Variants in SLC12A7 observed in about 807,000 individuals in gnomAD.
SLC12A7 encodes K-Cl cotransporter 4.
Under a neutral mutation model 120.6 loss-of-function variants are expected in SLC12A7, and 100 were observed. The ratio of observed to expected loss-of-function variants is 0.83; its 90% CI spans 0.71 to 0.98. The LOEUF is 0.98. SLC12A7 is among the 50% of genes least tolerant of loss of function. The pLI is 0.00. For missense variants in SLC12A7, 1,373 were observed against 1,548.1 expected (o/e 0.89, Z 1.90); for synonymous variants, 760 against 678.0 (o/e 1.12, Z -1.88).
intron 23 of SLC12A7, 99 bp downstream of exon 23, chr5:1,053,250 G>T: frequency 7.0e-7 from 1 of 1,426,322 alleles, no homozygotes. Flanking sequence ...GGAGAGGCGG[G>T]AAGCCAGCCT....
At position 1,085,241 on chromosome 5, in the gene SLC12A7, G is replaced by T. The variant is rs377464520; in HGVS notation, c.908C>A (p.Pro303Gln). 2 of 1,611,858 alleles carry T rather than the reference G, an allele frequency of 1.2e-6. No individual in the cohort carries two copies. The highest frequency in any genetic ancestry group is 1.7e-6 in the Non-Finnish European group (2 of 1,179,440). Reference protein sequence around the residue: ...AGVIKSAFDPPDIPVCLLGNR... With the variant: ...AGVIKSAFDPQDIPVCLLGNR... ...AGGCCCCGAGACTCACGGGATGTCCGGGGGGTCGAAGGCAGACTTGATGAC... is the reference window on the plus strand; with the variant it reads ...AGGCCCCGAGACTCACGGGATGTCCTGGGGGTCGAAGGCAGACTTGATGAC... The change falls in exon 7 of 24, where the codon CCG becomes CAG. Residue 303 changes from proline (P) to glutamine (Q), a missense_variant. Physicochemically the swap from Pro to Gln is moderately conservative, Grantham distance 76. Coordinates refer to ENST00000264930, the MANE Select transcript of SLC12A7 (RefSeq NM_006598.3).
At chr5:1,094,275 C>A in intron 1 of SLC12A7, 27 bp from the exon 2 acceptor site, 2 of 1,558,332 alleles carry the variant, frequency 1.3e-6, no homozygotes, top group African/African-American at 1.3e-5. Context: ...AATTCAGAGT[C>A]AGCTTAGAAG....
chr5:1,054,050 G>A (rs539959621), intron 22 of SLC12A7, among the ~76,000 whole-genome samples: 29 of 152,366 alleles, frequency 1.9e-4, no homozygotes, highest in African/African-American at 5.8e-4. Context: ...CTGTGCAGCC[G>A]TTGCTGCTGA....
the SLC12A7 span, among the ~76,000 whole-genome samples, chr5:1,145,340 G>T: frequency 6.6e-6 from 1 of 152,264 alleles, no homozygotes; most frequent in African/African-American, 2.4e-5. The surrounding 1 kb of genome is among the most constrained non-coding windows in gnomAD (Gnocchi z 4.4). Flanking sequence ...CAGCTGCTGG[G>T]GTGGTCACCC....
the SLC12A7 span, among the ~76,000 whole-genome samples, chr5:1,124,489 T>G: frequency 6.6e-6 from 1 of 152,018 alleles, no homozygotes; most frequent in Non-Finnish European, 1.5e-5. Flanking sequence ...GAAGGCAAAA[T>G]CAAGACATTT....
chr5:1,079,444 G>A lies in SLC12A7; in HGVS notation c.1350C>T (p.Ser450=), dbSNP rs1328647483. Residue 450 remains serine, a synonymous_variant, in exon 10 of 24, where the codon TCC becomes TCT. Transcript: ENST00000264930. ...RSGDLKDAQK[S]IPTGTILAIV... ...TGGCCAGGATGGTCCCCGTGGGGAT[G>A]GACTTCTGTGCATCCTTGAGGTCCC... 6.2e-7 allele frequency: 1 copy of A among 1,612,696 alleles called. No homozygotes were observed.
chr5:1,102,632 C>T (rs551242926), intron 1 of SLC12A7, among the ~76,000 whole-genome samples: 3 of 152,316 alleles, frequency 2.0e-5, no homozygotes, highest in Non-Finnish European at 4.4e-5. Flanking sequence ...CGGGTGGCAC[C>T]GGACCTGTGC....
At chr5:1,084,728 G>A (rs1347040264) in intron 7 of SLC12A7, among the ~76,000 whole-genome samples, 2 of 152,174 alleles carry the variant, frequency 1.3e-5, no homozygotes, top group African/African-American at 4.8e-5. Flanking sequence ...CAAAACCGCG[G>A]GAGCCTCAAG....
chr5:1,095,170 C>CA (rs1480108550), intron 1 of SLC12A7, among the ~76,000 whole-genome samples: 1 of 151,776 alleles, frequency 6.6e-6, no homozygotes, highest in African/African-American at 2.4e-5. Context: ...GAGGACACGG[C>CA]AGGGAACCTA....
chr5:1,082,038 CGTCTCGGGTTCTGGAAAGCCT>C (rs1561072214), intron 8 of SLC12A7, among the ~76,000 whole-genome samples: 1 of 148,286 alleles, frequency 6.7e-6, no homozygotes, highest in Non-Finnish European at 1.5e-5. Context: ...CCAGGCTTCC[CGTCTCGGGTTCTGGAAAGCCT>C]GGGCTTCCCA....
chr5:1,108,578 T>A (rs1487743486), intron 1 of SLC12A7, among the ~76,000 whole-genome samples: 1 of 150,656 alleles, frequency 6.6e-6, no homozygotes, highest in Non-Finnish European at 1.5e-5. Context: ...CAACGAGAGC[T>A]CTCTGTCCCT....
the SLC12A7 span, among the ~76,000 whole-genome samples, chr5:1,153,374 A>C: frequency 6.6e-6 from 1 of 152,252 alleles, no homozygotes; most frequent in African/African-American, 2.4e-5. Context: ...AAACATTCAC[A>C]GCCTGAAGCA....
At position 1,054,508 on chromosome 5, in the gene SLC12A7, T is replaced by C. The variant is rs556362943; in HGVS notation, c.3027-1026A>G. Among the ~76,000 whole-genome samples the C allele has an allele frequency of 1.2e-3, 178 of 152,252 alleles. 1 individual carries two copies. Among genetic ancestry groups the C allele is most frequent in the Admixed American group, 6.7e-3 (102 of 15,284 alleles). ...TCCAGGAGGCCACCTGGGGAAACGC[T>C]GGGCGGAGGGGAGCACTTGCGTTTC... On this transcript the variant is annotated intron_variant, in intron 22 of 23. Coordinates refer to ENST00000264930, the MANE Select transcript of SLC12A7 (RefSeq NM_006598.3).
the SLC12A7 span, among the ~76,000 whole-genome samples, chr5:1,131,154 G>A: frequency 6.6e-6 from 1 of 152,172 alleles, no homozygotes; most frequent in African/African-American, 2.4e-5. Flanking sequence ...GACTCACAGG[G>A]ACGTCCCGGA....
At chr5:1,130,078 G>A in the SLC12A7 span, among the ~76,000 whole-genome samples, 1 of 152,204 alleles carries the variant, frequency 6.6e-6, no homozygotes, top group South Asian at 2.1e-4. Context: ...ACTTCTGGAT[G>A]TGGTTCAGAA....
chr5:1,088,116 A>G (rs986241598), intron 5 of SLC12A7, among the ~76,000 whole-genome samples, 190 bp downstream of exon 5: 2 of 152,184 alleles, frequency 1.3e-5, no homozygotes, highest in African/African-American at 4.8e-5. Flanking sequence ...AATGGGGAAG[A>G]AAACCAAACA....
At chr5:1,124,665 G>T in the SLC12A7 span, among the ~76,000 whole-genome samples, 1 of 152,094 alleles carries the variant, frequency 6.6e-6, no homozygotes, top group Non-Finnish European at 1.5e-5. Flanking sequence ...GGGGAGGGAG[G>T]CCCTGGAGTC....
chr5:1,056,787 C>T (rs1184644531), intron 22 of SLC12A7, among the ~76,000 whole-genome samples: 1 of 152,182 alleles, frequency 6.6e-6, no homozygotes, highest in Non-Finnish European at 1.5e-5. Flanking sequence ...CTCTTGCGCT[C>T]TCATCTGGAA....
At chr5:1,089,196 T>C in intron 3 of SLC12A7, 68 bp from the exon 4 acceptor site, 1 of 1,558,020 alleles carries the variant, frequency 6.4e-7, no homozygotes, top group East Asian at 2.2e-5. Flanking sequence ...CTCCCCAGGC[T>C]GCACTCAGGC....
Sources: allele counts gnomAD v4.1 joint callset (sites outside exome capture counted in the v4.1 genomes callset), GRCh38; gene constraint gnomAD v4.1.1; non-coding constraint Gnocchi (gnomAD v3.1); transcripts MANE v1.5; gene names NCBI Gene and HGNC (gene_info 2026-07-23, HGNC 2026-07-21).